Variants in ERBB2 observed in about 807,000 individuals in gnomAD.
ERBB2 encodes the protein receptor tyrosine-protein kinase erbB-2.
A neutral mutation model predicts 149.0 loss-of-function variants in ERBB2; 61 were observed. That is an observed-to-expected ratio of 0.41 (90% confidence interval 0.33 to 0.51). The LOEUF is 0.51. Ranked by LOEUF, ERBB2 falls within the 20% of genes least tolerant of loss-of-function variation. The probability of loss-of-function intolerance (pLI) is 0.25; values close to 1 mark genes in which losing one functional copy is unlikely to be tolerated. For synonymous variants in ERBB2, 633 were observed against 678.8 expected (o/e 0.93, Z 1.05); for missense variants, 1,205 against 1,655.1 (o/e 0.73, Z 4.72).
chr17:39,709,602 G>T, intron 4 of ERBB2, 150 bp downstream of exon 4: 1 of 1,001,926 alleles, frequency 1.0e-6, no homozygotes. Context: ...CCATCTCCCT[G>T]TGCCTCTTCA....
chr17:39,703,663 C>T (rs565192680), intron 1 of ERBB2, among the ~76,000 whole-genome samples: 2 of 152,382 alleles, frequency 1.3e-5, no homozygotes, highest in South Asian at 4.1e-4. Context: ...TCCGATTTAG[C>T]TTCTGCCCTG....
chr17:39,692,652 G>A (rs1363014363), upstream of ERBB2, among the ~76,000 whole-genome samples: 3 of 151,878 alleles, frequency 2.0e-5, no homozygotes, highest in Admixed American at 6.6e-5. Flanking sequence ...TGATCCGTCC[G>A]CCTCAGCCTC....
chr17:39,692,197 ATG>A (rs1236892445), upstream of ERBB2, among the ~76,000 whole-genome samples: 1 of 151,698 alleles, frequency 6.6e-6, no homozygotes, highest in Admixed American at 6.6e-5. Flanking sequence ...AGAACAAAAT[ATG>A]TGTGTGTGTA....
chr17:39,717,590 G>C, intron 15 of ERBB2, 110 bp downstream of exon 15: 2 of 903,392 alleles, frequency 2.2e-6, no homozygotes, highest in Non-Finnish European at 1.6e-6. Flanking sequence ...TCTTGTTTCT[G>C]ATGACAAAAA....
chr17:39,724,272 A>ATTTGTTTTTTTTTTTTTTTTT (rs2059615848), intron 19 of ERBB2, among the ~76,000 whole-genome samples: 1 of 77,016 alleles, frequency 1.3e-5, no homozygotes, highest in Non-Finnish European at 2.7e-5. Context: ...GCGCCCGCTA[A>ATTTGTTTTTTTTTTTTTTTTT]TTTTTTTTTT....
intron 2 of ERBB2, chr17:39,707,389 TGC>T: frequency 2.5e-6 from 1 of 396,528 alleles, no homozygotes; most frequent in Admixed American, 4.6e-5. Flanking sequence ...CTAAATCTTG[TGC>T]TCTCTTGCCA....
At chr17:39,708,622 A>G (rs750940999) in intron 3 of ERBB2, 88 bp downstream of exon 3, 12 of 1,041,940 alleles carry the variant, frequency 1.2e-5, no homozygotes, top group Non-Finnish European at 1.7e-5. Context: ...TGTGTGCATT[A>G]GAAATGGTGT....
Position 39,727,368 on chromosome 17 carries a change from C to T in ERBB2, c.3233C>T (p.Ser1078Phe), listed in dbSNP as rs748800582. The change falls in exon 26 of 27, where the codon TCC (serine) becomes TTC (phenylalanine). Residue 1078 changes from serine (S) to phenylalanine (F), a missense_variant. Around this residue, in one of 6 missense-constraint regions of ERBB2, gnomAD observed 312 missense variants for 343.8 expected, o/e 0.91. Coordinates refer to ENST00000269571, the MANE Select transcript of ERBB2 (RefSeq NM_004448.4). The surrounding 1 kb of genome is among the most constrained non-coding windows in gnomAD (Gnocchi z 4.3). ...GCCCCCAGGTCTCCACTGGCACCCTCCGAAGGGGCTGGCTCCGATGTATTT... is the reference window on the plus strand; with the variant it reads ...GCCCCCAGGTCTCCACTGGCACCCTTCGAAGGGGCTGGCTCCGATGTATTT... ...EEAPRSPLAP[S>F]EGAGSDVFDG... 4.3e-6 allele frequency: 7 copies of T among 1,610,966 alleles called. No homozygotes were observed. Among genetic ancestry groups the T allele is most frequent in the African/African-American group, 1.3e-5 (1 of 74,704 alleles).
rs1311911231 is a variant in ERBB2 at position 39,724,716 on chromosome 17, T to C, written c.2308-10T>C. 5.6e-6 allele frequency: 9 copies of C among 1,613,602 alleles called. No homozygotes were observed. The South Asian group carries it at 9.9e-5, about 18-fold the overall frequency. ...TCTCCCATACCCTCTCAGCGTACCC[T>C]TGTCCCCAGGAAGCATACGTGATGG... On this transcript the variant is annotated splice_polypyrimidine_tract_variant and intron_variant, in intron 19 of 26. Coordinates refer to ENST00000269571, the MANE Select transcript of ERBB2 (RefSeq NM_004448.4).
chr17:39,706,859 G>T (rs944706748), intron 1 of ERBB2, 131 bp from the exon 2 acceptor site: 1 of 842,012 alleles, frequency 1.2e-6, no homozygotes, highest in African/African-American at 1.8e-5. Flanking sequence ...AAGGGACATG[G>T]GCGGAGGGGT....
rs1185738894 is a variant in ERBB2 at position 39,728,012 on chromosome 17, C to A, written c.3736C>A (p.Pro1246Thr). ...CAAAGGGACACCTACGGCAGAGAACCCAGAGTACCTGGGTCTGGACGTGCC... is the reference window on the plus strand; with the variant it reads ...CAAAGGGACACCTACGGCAGAGAACACAGAGTACCTGGGTCTGGACGTGCC... ...TFKGTPTAENPEYLGLDVPV is the reference protein window; with the variant it reads ...TFKGTPTAENTEYLGLDVPV Residue 1246 changes from proline (P) to threonine (T), a missense_variant, in exon 27 of 27, where the codon CCA becomes ACA. By Grantham distance (38) the Pro-to-Thr change is conservative. Transcript: ENST00000269571. 2 of 1,607,900 alleles carry A rather than the reference C, an allele frequency of 1.2e-6. No homozygotes were observed. Among genetic ancestry groups the A allele is most frequent in the Admixed American group, 3.3e-5 (2 of 59,890 alleles).
chr17:39,723,204 C>A lies in ERBB2; in HGVS notation c.1947-115C>A. On this transcript the variant is annotated intron_variant, in intron 16 of 26. Transcript: ENST00000269571. This position sits in a 1 kb window ranked among gnomAD's most constrained non-coding sequence, Gnocchi z 6.2. ...TAGGAGAGGGTCCAAGCCTGTGGGTCACCCTTCCGACTTCCCTTTCCGAAT... is the reference window on the plus strand; with the variant it reads ...TAGGAGAGGGTCCAAGCCTGTGGGTAACCCTTCCGACTTCCCTTTCCGAAT... The A allele has an allele frequency of 1.8e-6, 2 of 1,097,714 alleles. No homozygotes were observed. The highest frequency in any genetic ancestry group is 1.5e-5 in the South Asian group (1 of 68,308). 68.0% of individuals were successfully genotyped at this position (1,097,714 alleles called of 1,614,324 possible).
Position 39,708,314 on chromosome 17 carries a change from CT to C in ERBB2, c.226-6del, listed in dbSNP as rs779453811. The C allele has an allele frequency of 6.2e-7, 1 of 1,611,052 alleles. No homozygotes were observed. Among genetic ancestry groups the C allele is most frequent in the Non-Finnish European group, 8.5e-7 (1 of 1,177,538 alleles). On this transcript the variant is annotated splice_polypyrimidine_tract_variant and splice_region_variant and intron_variant, in intron 2 of 26. Transcript: ENST00000269571. ...TATTTCAGCCCCACTCTGCTTCCCC[CT>C]CCCAGGATATCCAGGAGGTGCAGGG...
chr17:39,704,558 C>T (rs970805699), intron 1 of ERBB2, among the ~76,000 whole-genome samples: 1 of 151,980 alleles, frequency 6.6e-6, no homozygotes. Context: ...GGCGACAGGG[C>T]GAGACTCCAT....
In ERBB2 at chr17:39,710,208, G is replaced by T. The variant is rs1350878909; in HGVS notation, c.759+7G>T. On this transcript the variant is annotated splice_region_variant and intron_variant, in intron 6 of 26. Transcript: ENST00000269571. Reference sequence around the variant, plus strand: ...CAAGCACTCTGACTGCCTGGTATGTGCCTCTGCTTTGTGCCCAATGTGCTC... The same window carrying T: ...CAAGCACTCTGACTGCCTGGTATGTTCCTCTGCTTTGTGCCCAATGTGCTC... 3 of 1,611,854 alleles carry T rather than the reference G, an allele frequency of 1.9e-6. No homozygotes were observed. The highest frequency in any genetic ancestry group is 1.7e-6 in the Non-Finnish European group (2 of 1,178,762).
At chr17:39,705,748 T>C (rs1312041732) in intron 1 of ERBB2, among the ~76,000 whole-genome samples, 1 of 152,162 alleles carries the variant, frequency 6.6e-6, no homozygotes, top group African/African-American at 2.4e-5. Flanking sequence ...CCCTAGGATT[T>C]GACCTTAGGC....
intron 14 of ERBB2, chr17:39,716,832 T>A: frequency 1.8e-6 from 1 of 570,468 alleles, no homozygotes; most frequent in Admixed American, 3.0e-5. Context: ...TGTTGGTGGC[T>A]GTGACTGTGG....
In ERBB2 at chr17:39,725,761, C is replaced by T. The variant is rs2172826; in HGVS notation, c.2780C>T (p.Pro927Leu). 3.1e-6 allele frequency: 5 copies of T among 1,613,680 alleles called. No individual in the cohort carries two copies. The highest frequency in any genetic ancestry group is 1.3e-5 in the African/African-American group (1 of 74,894). The stretch of plus-strand genomic sequence containing the variant: ...GGGGCCAAACCTTACGATGGGATCC[C>T]AGCCCGGGAGATCCCTGACCTGCTG... ...TFGAKPYDGI[P>L]AREIPDLLEK... Residue 927 changes from proline to leucine, a missense_variant, in exon 23 of 27, where the codon CCA becomes CTA. By Grantham distance (98) the Pro-to-Leu change is moderately conservative. Coordinates refer to ENST00000269571, the MANE Select transcript of ERBB2 (RefSeq NM_004448.4). The surrounding 1 kb of genome is among the most constrained non-coding windows in gnomAD (Gnocchi z 4.6).
chr17:39,693,426 A>T (rs1216294339), upstream of ERBB2: 1 of 152,202 alleles, frequency 6.6e-6, no homozygotes, highest in Non-Finnish European at 1.5e-5. Flanking sequence ...ATCACATACA[A>T]AATGTGTGTA....
Sources: gnomAD v4.1 joint callset for allele counts (sites outside exome capture counted in the v4.1 genomes callset) on GRCh38, gnomAD v4.1.1 for gene constraint, gnomAD v4.1.1 regional missense constraint, Gnocchi (gnomAD v3.1) non-coding constraint, MANE v1.5 for transcripts, NCBI Gene and HGNC (gene_info 2026-07-23, HGNC 2026-07-21) for gene names.